The following VPS26A variants were observed in gnomAD, a reference collection of about 807,000 sequenced individuals.
VPS26A encodes the protein vacuolar protein sorting-associated protein 26A.
In VPS26A, 22 loss-of-function variants were observed where a neutral mutation model predicts 42.4. The ratio of observed to expected loss-of-function variants is 0.52; its 90% CI spans 0.37 to 0.74. VPS26A has a LOEUF of 0.74. Among genes scored for constraint, VPS26A ranks in the 30% least tolerant of loss-of-function variants. The probability of loss-of-function intolerance (pLI) is 0.00; values close to 1 mark genes in which losing one functional copy is unlikely to be tolerated. For missense variants in VPS26A, 276 were observed against 379.2 expected (o/e 0.73, Z 2.26); for synonymous variants, 110 against 123.5 (o/e 0.89, Z 0.73).
intron 1 of VPS26A, among the ~76,000 whole-genome samples, chr10:69,127,542 G>C (rs1289597136): frequency 6.8e-6 from 1 of 147,442 alleles, no homozygotes; most frequent in Non-Finnish European, 1.5e-5. Flanking sequence ...GAAAGAGCGA[G>C]ACTCCATCTC....
chr10:69,124,813 A>G (rs1174888994), intron 1 of VPS26A, among the ~76,000 whole-genome samples: 1 of 152,242 alleles, frequency 6.6e-6, no homozygotes, highest in Admixed American at 6.5e-5. Context: ...TGACACTTGT[A>G]AAATGGGAGA....
In VPS26A at chr10:69,173,466, T is replaced by A. The variant is rs768249365; in HGVS notation, c.*2197T>A. On this transcript the variant is annotated 3_prime_UTR_variant, in exon 9 of 9. Transcript: ENST00000263559. ...ATGAGACCCTATCTCTACAAAAAAA[T>A]TAACAATGAGCTGGGCATGGTGGCA... Among the ~76,000 whole-genome samples the A allele has an allele frequency of 6.6e-6, 1 of 151,204 alleles. No individual in the cohort carries two copies. Among genetic ancestry groups the A allele is most frequent in the East Asian group, 2.0e-4 (1 of 5,042 alleles).
intron 8 of VPS26A, among the ~76,000 whole-genome samples, chr10:69,168,919 A>G (rs1272727812): frequency 6.6e-5 from 10 of 152,190 alleles, no homozygotes; most frequent in Admixed American, 6.5e-4. Flanking sequence ...CTGCTTATTT[A>G]GAAAAAAATA....
rs535533351 is a variant in VPS26A at position 69,131,028 on chromosome 10, C to G, written c.4-1870C>G. On this transcript the variant is annotated intron_variant, in intron 1 of 8. Transcript: ENST00000263559. ...GGAGACAAATTCTTGCTCTGTTGCC[C>G]GGGCTAGAGCGCAGTGGTGCGATCT... Among the ~76,000 whole-genome samples the G allele has an allele frequency of 7.9e-5, 12 of 152,256 alleles. No homozygotes were observed. In the South Asian group the frequency reaches 1.5e-3, roughly 18 times the overall value.
chr10:69,147,782 G>A (rs917611605), intron 2 of VPS26A, among the ~76,000 whole-genome samples: 3 of 151,866 alleles, frequency 2.0e-5, no homozygotes, highest in African/African-American at 4.8e-5. Context: ...GCACAATCTC[G>A]GCTCACTGCA....
chr10:69,168,560 A>C lies in VPS26A; in HGVS notation c.799A>C (p.Lys267Gln). The C allele has an allele frequency of 1.9e-6, 3 of 1,614,180 alleles. No homozygotes were observed. The highest frequency in any genetic ancestry group is 2.5e-6 in the Non-Finnish European group (3 of 1,180,032). Residue 267 changes from lysine to glutamine, a missense_variant, in exon 8 of 9, where the codon AAA (lysine) becomes CAA (glutamine). Coordinates refer to ENST00000263559, the MANE Select transcript of VPS26A (RefSeq NM_004896.5). ...PTPTMRDVNK[K>Q]FSVRYFLNLV... ...TCCAACAATGAGAGATGTGAACAAA[A>C]AATTTTCAGTAAGGTACTTTTTGAA... is the stretch of plus-strand genomic sequence containing the variant.
rs1311735884 is a variant in VPS26A, at chr10:69,141,571, G to A, written c.153+8524G>A. Among the ~76,000 whole-genome samples, 5 of 152,294 alleles carry A rather than the reference G, an allele frequency of 3.3e-5. No homozygotes were observed. In the East Asian group the frequency reaches 9.6e-4, roughly 29 times the overall value. On this transcript the variant is annotated intron_variant, in intron 2 of 8. Coordinates refer to ENST00000263559, the MANE Select transcript of VPS26A (RefSeq NM_004896.5). The stretch of plus-strand genomic sequence containing the variant: ...CATGCACTCAGAATGTATGCAGCTG[G>A]AAATATTTGAGCAGTGCCTGTATTG...
chr10:69,158,116 C>T lies in VPS26A; in HGVS notation c.456C>T (p.His152=). 1 of 1,613,186 alleles carries T rather than the reference C, an allele frequency of 6.2e-7. No individual in the cohort carries two copies. Among genetic ancestry groups the T allele is most frequent in the South Asian group, 1.1e-5 (1 of 90,954 alleles). The change falls in exon 5 of 9, where the codon CAC becomes CAT. Residue 152 remains histidine, a synonymous_variant. Coordinates refer to ENST00000263559, the MANE Select transcript of VPS26A (RefSeq NM_004896.5). ...TAAAAGAGTATGATCTTATTGTTCA[C>T]CAGCTTGCCACCTATCCTGATGTTA... ...DLVKEYDLIV[H]QLATYPDVNN...
At chr10:69,148,415 T>C (rs1258523514) in intron 2 of VPS26A, among the ~76,000 whole-genome samples, 1 of 152,194 alleles carries the variant, frequency 6.6e-6, no homozygotes, top group Non-Finnish European at 1.5e-5. Context: ...TATAGTTTAG[T>C]TCTTTAAGCA....
chr10:69,124,306 C>T (rs757081987), intron 1 of VPS26A, 26 bp downstream of exon 1: 29 of 1,245,986 alleles, frequency 2.3e-5, no homozygotes, highest in African/African-American at 2.2e-4. Context: ...CCAGCGCGCT[C>T]GCCTCCCGCC....
intron 6 of VPS26A, among the ~76,000 whole-genome samples, chr10:69,164,786 G>A (rs1398945667): frequency 6.6e-6 from 1 of 152,166 alleles, no homozygotes; most frequent in African/African-American, 2.4e-5. Flanking sequence ...GAAATGTGTT[G>A]TGATGTAAGA....
At chr10:69,152,332 C>T (rs1468599668) in intron 2 of VPS26A, among the ~76,000 whole-genome samples, 4 of 152,294 alleles carry the variant, frequency 2.6e-5, no homozygotes, top group African/African-American at 7.2e-5. Flanking sequence ...AAAATATAAT[C>T]GGCATATACT....
At chr10:69,145,943 A>G (rs1265066347) in intron 2 of VPS26A, among the ~76,000 whole-genome samples, 1 of 152,108 alleles carries the variant, frequency 6.6e-6, no homozygotes, top group East Asian at 1.9e-4. Context: ...TTTCTTGCTG[A>G]ATTTATTGAT....
At chr10:69,130,088 G>A (rs1363999169) in intron 1 of VPS26A, among the ~76,000 whole-genome samples, 1 of 152,050 alleles carries the variant, frequency 6.6e-6, no homozygotes, top group East Asian at 1.9e-4. Flanking sequence ...GCTCAGAAAG[G>A]CTAATATTAT....
Position 69,149,727 on chromosome 10 carries a change from G to GTTTTTTTTTTTTTTTTT in VPS26A, c.154-6079_154-6078insTTTTTTTTTTTTTTTTT, listed in dbSNP as rs151136046. On this transcript the variant is annotated intron_variant, in intron 2 of 8. Transcript: ENST00000263559. ...ACCATGGAATGTTAACTTTCTTGGT[G>GTTTTTTTTTTTTTTTTT]TTTTTTGTTTTTTTTTTTTTTTTTT... 4.3e-5 allele frequency among the ~76,000 whole-genome samples: 4 copies of GTTTTTTTTTTTTTTTTT among 93,964 alleles called. 1 individual carries two copies. The highest frequency in any genetic ancestry group is 1.5e-4 in the African/African-American group (3 of 20,568). The allele number at this position is 93,964 out of a possible 152,430, so 61.6% of individuals were successfully genotyped here. A position where few individuals can be genotyped will look rare whatever the true frequency, so the allele number is the denominator to read the frequency against.
chr10:69,124,423 CT>C (rs1479566357), intron 1 of VPS26A, 143 bp downstream of exon 1: 1 of 960,770 alleles, frequency 1.0e-6, no homozygotes, highest in Admixed American at 4.5e-5. Flanking sequence ...CGGGCCACCC[CT>C]GGGTCTGGGA....
chr10:69,134,518 T>C (rs1195734862), intron 2 of VPS26A, among the ~76,000 whole-genome samples: 1 of 152,238 alleles, frequency 6.6e-6, no homozygotes, highest in Non-Finnish European at 1.5e-5. Context: ...CATGTCCACC[T>C]GTGGGTCTTT....
At chr10:69,167,856 C>T (rs187799865) in intron 7 of VPS26A, among the ~76,000 whole-genome samples, 1 of 151,938 alleles carries the variant, frequency 6.6e-6, no homozygotes, top group African/African-American at 2.4e-5. Flanking sequence ...ATCATTCTGT[C>T]CGTTTTTAGC....
chr10:69,151,710 G>A (rs1170475454), intron 2 of VPS26A, among the ~76,000 whole-genome samples: 1 of 152,154 alleles, frequency 6.6e-6, no homozygotes, highest in Non-Finnish European at 1.5e-5. Flanking sequence ...TACTTTAATA[G>A]TGTGGTTTCA....
Sources: allele counts gnomAD v4.1 joint callset (sites outside exome capture counted in the v4.1 genomes callset), GRCh38; gene constraint gnomAD v4.1.1; transcripts MANE v1.5; gene names NCBI Gene and HGNC (gene_info 2026-07-23, HGNC 2026-07-21).